The following SPTLC3 variants were observed in gnomAD, a reference collection of about 807,000 sequenced individuals.
SPTLC3 encodes serine palmitoyltransferase long chain base subunit 3, also known as serine palmitoyltransferase 3.
A neutral mutation model predicts 59.3 loss-of-function variants in SPTLC3; 36 were observed. That is an observed-to-expected ratio of 0.61 (90% CI 0.47 to 0.80). The LOEUF (loss-of-function observed/expected upper bound fraction) is 0.80. SPTLC3 is among the 30% of genes least tolerant of loss of function. The pLI, the probability that SPTLC3 is intolerant of heterozygous loss-of-function variation, is 0.00. For synonymous variants in SPTLC3, 257 were observed against 240.8 expected (o/e 1.07, Z -0.62); for missense variants, 625 against 685.1 (o/e 0.91, Z 0.98).
chr20:13,022,454 A>G (rs1004629129), intron 1 of SPTLC3, among the ~76,000 whole-genome samples: 4 of 152,184 alleles, frequency 2.6e-5, no homozygotes, highest in Non-Finnish European at 4.4e-5. Context: ...GAATTCAGAA[A>G]AGGAACAGTG....
At chr20:13,142,507 G>C (rs1458711836) in intron 9 of SPTLC3, among the ~76,000 whole-genome samples, 1 of 152,220 alleles carries the variant, frequency 6.6e-6, no homozygotes. Context: ...GATTAGGCAG[G>C]TGGATTTGTG....
intron 2 of SPTLC3, 45 bp from the exon 3 acceptor site, chr20:13,072,211 A>G (rs761115040): frequency 7.7e-6 from 12 of 1,561,402 alleles, no homozygotes; most frequent in Non-Finnish European, 9.5e-6. Flanking sequence ...AGTGAAATCC[A>G]GAAAGCAAAG....
intron 6 of SPTLC3, among the ~76,000 whole-genome samples, chr20:13,108,392 C>T (rs1436880578): frequency 6.6e-6 from 1 of 152,072 alleles, no homozygotes; most frequent in Non-Finnish European, 1.5e-5. Flanking sequence ...TTGGGGGAAG[C>T]CCTAAAACAG....
At chr20:13,101,377 A>G (rs1344541237) in intron 6 of SPTLC3, among the ~76,000 whole-genome samples, 1 of 152,206 alleles carries the variant, frequency 6.6e-6, no homozygotes, top group Non-Finnish European at 1.5e-5. Context: ...TCAGAAAGCT[A>G]TGGTCCCTTG....
At chr20:13,134,840 G>A (rs1217162855) in intron 9 of SPTLC3, among the ~76,000 whole-genome samples, 2 of 152,196 alleles carry the variant, frequency 1.3e-5, no homozygotes, top group Non-Finnish European at 2.9e-5. Context: ...CATGAAATGT[G>A]TTTGGATCCA....
intron 7 of SPTLC3, among the ~76,000 whole-genome samples, chr20:13,115,263 T>C (rs529622565): frequency 7.9e-5 from 12 of 152,166 alleles, no homozygotes; most frequent in African/African-American, 2.9e-4. Flanking sequence ...GAAAACTTAG[T>C]GTGGGTGAAT....
chr20:13,028,955 G>A (rs923031535), intron 1 of SPTLC3, among the ~76,000 whole-genome samples: 1 of 152,116 alleles, frequency 6.6e-6, no homozygotes, highest in African/African-American at 2.4e-5. Flanking sequence ...ATCTCAAAAC[G>A]GCCAATCCAG....
At chr20:13,042,102 T>C (rs1987009391) in intron 1 of SPTLC3, among the ~76,000 whole-genome samples, 1 of 152,232 alleles carries the variant, frequency 6.6e-6, no homozygotes, top group Non-Finnish European at 1.5e-5. Flanking sequence ...TTGAGGTTTA[T>C]TCTGATCTTA....
rs1448295095 is a variant in SPTLC3, at chr20:13,166,606, G to C, written c.*1739G>C. 1 of 152,200 alleles carries C rather than the reference G, an allele frequency of 6.6e-6. No homozygotes were observed. The highest frequency in any genetic ancestry group is 2.4e-5 in the African/African-American group (1 of 41,450). 9.4% of individuals were successfully genotyped at this position (152,200 alleles called of 1,614,324 possible). ...TGTCATAAATATGCAAAGAAAGGGA[G>C]ACATACTGTTCTTATCTTGAATATG... On this transcript the variant is annotated 3_prime_UTR_variant, in exon 12 of 12. Transcript: ENST00000399002.
At chr20:13,124,059 G>A (rs976047267) in intron 8 of SPTLC3, among the ~76,000 whole-genome samples, 6 of 152,190 alleles carry the variant, frequency 3.9e-5, no homozygotes, top group African/African-American at 7.2e-5. Context: ...GATACCCTGT[G>A]GCTGATGAAT....
intron 3 of SPTLC3, among the ~76,000 whole-genome samples, chr20:13,072,702 T>C (rs1286540132): frequency 6.6e-6 from 1 of 152,138 alleles, no homozygotes; most frequent in Non-Finnish European, 1.5e-5. Flanking sequence ...CAAATTCTAC[T>C]CTCCTACTTA....
chr20:13,100,141 A>G (rs1290440247), intron 6 of SPTLC3, among the ~76,000 whole-genome samples: 2 of 152,228 alleles, frequency 1.3e-5, no homozygotes, highest in Admixed American at 6.5e-5. Context: ...AATGAATCAG[A>G]ATTCTGGGCC....
intron 9 of SPTLC3, among the ~76,000 whole-genome samples, chr20:13,128,493 G>A (rs2038044705): frequency 1.3e-5 from 2 of 152,098 alleles, no homozygotes; most frequent in South Asian, 4.1e-4. Flanking sequence ...CTCAACACAT[G>A]GCCCCCATGG....
intron 9 of SPTLC3, among the ~76,000 whole-genome samples, chr20:13,145,513 C>T (rs1336178855): frequency 6.6e-6 from 1 of 152,110 alleles, no homozygotes; most frequent in Non-Finnish European, 1.5e-5. Flanking sequence ...GAAAAATATT[C>T]CATGTTCATG....
intron 4 of SPTLC3, among the ~76,000 whole-genome samples, chr20:13,084,307 T>C (rs1296737392): frequency 2.0e-5 from 3 of 152,230 alleles, no homozygotes; most frequent in Non-Finnish European, 2.9e-5. Flanking sequence ...AATTGTCCTA[T>C]GATGTTTATA....
intron 6 of SPTLC3, among the ~76,000 whole-genome samples, chr20:13,105,131 T>A (rs185346436): frequency 1.1e-4 from 17 of 152,276 alleles, no homozygotes; most frequent in African/African-American, 3.4e-4. Flanking sequence ...ACTGTAGCCT[T>A]GTAGAACGAC....
chr20:13,126,704 T>C lies in SPTLC3; in HGVS notation c.1266T>C (p.Asp422=). Reference sequence around the variant, plus strand: ...CACTAAAACTTATCATGGGACTGGATGGGACCACTCAAGGTAAGAGGATCT... The same window carrying C: ...CACTAAAACTTATCATGGGACTGGACGGGACCACTCAAGGTAAGAGGATCT... ...IRSLKLIMGL[D]GTTQGLQRVQ... is the part of the protein sequence containing the mutation. The change falls in exon 9 of 12, where the codon GAT becomes GAC. Residue 422 remains aspartate, a synonymous_variant. Coordinates refer to ENST00000399002, the MANE Select transcript of SPTLC3 (RefSeq NM_018327.4). The C allele has an allele frequency of 6.2e-7, 1 of 1,614,028 alleles. No individual in the cohort carries two copies. Among genetic ancestry groups the C allele is most frequent in the Non-Finnish European group, 8.5e-7 (1 of 1,179,908 alleles).
chr20:13,164,496 T>G (rs980907997), intron 11 of SPTLC3: 1 of 539,830 alleles, frequency 1.9e-6, no homozygotes, highest in Non-Finnish European at 3.5e-6. Flanking sequence ...TTTTTATTCT[T>G]CTCTTCACAC....
At chr20:13,127,619 G>A (rs1191232161) in intron 9 of SPTLC3, among the ~76,000 whole-genome samples, 1 of 152,198 alleles carries the variant, frequency 6.6e-6, no homozygotes, top group African/African-American at 2.4e-5. Context: ...ATATAAAACA[G>A]ATAAGAACAA....
Sources: allele counts gnomAD v4.1 joint callset (sites outside exome capture counted in the v4.1 genomes callset), GRCh38; gene constraint gnomAD v4.1.1; transcripts MANE v1.5; gene names NCBI Gene and HGNC (gene_info 2026-07-23, HGNC 2026-07-21).